KANTR: variants seen among roughly 807,000 people sequenced by gnomAD.
KANTR encodes KDM5C adjacent transcript.
At chrX:53,118,760 C>CA (rs34089615) in intron 2 of KANTR, among the ~76,000 whole-genome samples, 21 of 88,309 alleles carry the variant, frequency 2.4e-4, no homozygotes, top group African/African-American at 6.7e-4. Context: ...GACTCTGTCT[C>CA]AAAAAAAAAA....
intron 2 of KANTR, among the ~76,000 whole-genome samples, chrX:53,134,362 C>CA (rs1273250666): frequency 6.4e-4 from 59 of 92,260 alleles, no homozygotes; most frequent in Admixed American, 1.8e-3. Context: ...AACTCTGTCT[C>CA]AAAAAAAAAA....
downstream of KANTR, among the ~76,000 whole-genome samples, chrX:53,129,817 A>G (rs1933338896): frequency 1.8e-5 from 2 of 109,388 alleles, no homozygotes; most frequent in Non-Finnish European, 3.8e-5. Context: ...ACATTAAATA[A>G]TAATGTCTTT....
At chrX:53,095,736 G>A (rs1932841101) in intron 1 of KANTR, among the ~76,000 whole-genome samples, 1 of 111,356 alleles carries the variant, frequency 9.0e-6, no homozygotes, top group Non-Finnish European at 1.9e-5. Flanking sequence ...GAAGCCACAG[G>A]TAGAGTGACA....
At chrX:53,100,192 A>T (rs1932877049) in intron 2 of KANTR, among the ~76,000 whole-genome samples, 1 of 112,423 alleles carries the variant, frequency 8.9e-6, no homozygotes, top group Admixed American at 9.5e-5. Context: ...TACACTGAAA[A>T]TCTGTTGGCC....
chrX:53,098,146 C>T (rs1932861463), intron 1 of KANTR, among the ~76,000 whole-genome samples: 1 of 109,501 alleles, frequency 9.1e-6, no homozygotes, highest in African/African-American at 3.3e-5. Context: ...AGGCATATCA[C>T]AGGTTCAGTT....
chrX:53,116,976 T>C (rs1933132971), intron 2 of KANTR, among the ~76,000 whole-genome samples: 1 of 111,618 alleles, frequency 9.0e-6, no homozygotes, highest in African/African-American at 3.3e-5. Flanking sequence ...ATATAACATA[T>C]ATTAGATATA....
chrX:53,120,699 TTTTATTATTTATTTTATTTA>T (rs1297597030), intron 2 of KANTR, among the ~76,000 whole-genome samples: 2 of 110,940 alleles, frequency 1.8e-5, no homozygotes, highest in African/African-American at 6.5e-5. Context: ...TTATTACACT[TTTTATTATTTATTTTATTTA>T]TTTATTATTT....
chrX:53,110,086 GTAT>G (rs1933011048), intron 2 of KANTR, among the ~76,000 whole-genome samples: 1 of 111,737 alleles, frequency 8.9e-6, no homozygotes, highest in East Asian at 2.8e-4. Flanking sequence ...GGAGTCTTTA[GTAT>G]TTTCTATATA....
chrX:53,103,195 C>T (rs957617650), intron 2 of KANTR, among the ~76,000 whole-genome samples: 1 of 110,047 alleles, frequency 9.1e-6, no homozygotes, highest in African/African-American at 3.3e-5. Flanking sequence ...AGGCTGGTCT[C>T]GAACTCCTGA....
At chrX:53,102,569 C>G (rs1418142969) in intron 2 of KANTR, among the ~76,000 whole-genome samples, 10 of 112,151 alleles carry the variant, frequency 8.9e-5, no homozygotes, top group African/African-American at 3.2e-4. Context: ...TCATTTTGTC[C>G]TGATACCAGT....
At chrX:53,100,503 AAAAG>A (rs1362449180) in intron 2 of KANTR, among the ~76,000 whole-genome samples, 1 of 87,827 alleles carries the variant, frequency 1.1e-5, no homozygotes, top group Non-Finnish European at 2.3e-5. Flanking sequence ...GAAAAGAAAA[AAAAG>A]AAAATCTGTT....
intron 2 of KANTR, among the ~76,000 whole-genome samples, chrX:53,121,863 GT>G (rs1225168138): frequency 9.0e-6 from 1 of 111,173 alleles, no homozygotes; most frequent in African/African-American, 3.3e-5. Flanking sequence ...TCATCCCTTG[GT>G]TAAGGTGATG....
At chrX:53,099,634 A>G (rs5933553) in intron 2 of KANTR, 26 bp downstream of exon 2, 15,126 of 111,108 alleles carry the variant, frequency 0.14, 853 homozygotes, top group South Asian at 0.2. Flanking sequence ...AAGATTTTCA[A>G]TTTACTTTTC....
downstream of KANTR, among the ~76,000 whole-genome samples, chrX:53,127,895 A>AG (rs1184641736): frequency 1.8e-5 from 2 of 111,356 alleles, no homozygotes; most frequent in African/African-American, 3.3e-5. Flanking sequence ...TGGTGGTGGT[A>AG]GGGGGGCTGC....
intron 2 of KANTR, among the ~76,000 whole-genome samples, chrX:53,117,616 T>TGG (rs1933150789): frequency 1.1e-5 from 1 of 92,759 alleles, no homozygotes; most frequent in Non-Finnish European, 2.1e-5. Flanking sequence ...TGTGTTTTTT[T>TGG]TTTTTTTTTT....
chrX:53,132,992 A>C (rs1363682831), intron 2 of KANTR, among the ~76,000 whole-genome samples: 1 of 111,833 alleles, frequency 8.9e-6, no homozygotes, highest in Non-Finnish European at 1.9e-5. Context: ...AAAGGATGTA[A>C]GTTAAACACA....
intron 2 of KANTR, among the ~76,000 whole-genome samples, chrX:53,133,373 A>G: frequency 9.2e-6 from 1 of 109,116 alleles, no homozygotes; most frequent in Non-Finnish European, 1.9e-5. Context: ...TCAAAAAAAA[A>G]AAAGAAAGAA....
At chrX:53,141,902 G>A in exon 3 of KANTR, 1 of 508,484 alleles carries the variant, frequency 2.0e-6, no homozygotes, top group Non-Finnish European at 2.6e-6. Context: ...CGGTGTTCTG[G>A]CAGGAAAACA....
intron 2 of KANTR, among the ~76,000 whole-genome samples, chrX:53,104,627 AT>A (rs1932926100): frequency 9.0e-6 from 1 of 111,477 alleles, no homozygotes; most frequent in Non-Finnish European, 1.9e-5. Flanking sequence ...AGATTTGTCT[AT>A]TCTAGATATT....
Sources: allele counts gnomAD v4.1 joint callset (sites outside exome capture counted in the v4.1 genomes callset), GRCh38; gene constraint gnomAD v4.1.1; transcripts MANE v1.5; gene names NCBI Gene and HGNC (gene_info 2026-07-23, HGNC 2026-07-21).